ERC2: variants seen among roughly 807,000 people sequenced by gnomAD.
ERC2 encodes ELKS/RAB6-interacting/CAST family member 2.
ERC2 carries 42 observed loss-of-function variants against 114.8 expected under a neutral mutation model. The observed-to-expected ratio is 0.37, with a 90% CI of 0.29 to 0.47. ERC2 has a LOEUF of 0.47. Among genes scored for constraint, ERC2 ranks in the 20% least tolerant of loss-of-function variants. The pLI is 0.99. For missense variants in ERC2, 939 were observed against 1,150.7 expected (o/e 0.82, Z 2.66); for synonymous variants, 454 against 425.5 (o/e 1.07, Z -0.82).
At chr3:56,234,549 G>A (rs1462873681) in intron 3 of ERC2, among the ~76,000 whole-genome samples, 2 of 152,192 alleles carry the variant, frequency 1.3e-5, no homozygotes, top group East Asian at 3.8e-4. Context: ...GAATTTCTGG[G>A]ACATTCAGAT....
chr3:55,713,436 C>T (rs1244910488), intron 15 of ERC2, among the ~76,000 whole-genome samples: 11 of 152,094 alleles, frequency 7.2e-5, no homozygotes, highest in African/African-American at 1.4e-4. Flanking sequence ...AGGCTGGTCT[C>T]GAACTCCTGA....
At chr3:56,359,743 C>T (rs2058878028) in intron 2 of ERC2, among the ~76,000 whole-genome samples, 1 of 152,154 alleles carries the variant, frequency 6.6e-6, no homozygotes, top group Non-Finnish European at 1.5e-5. Flanking sequence ...AAGATTCCAC[C>T]CATGGGGGAA....
chr3:56,269,396 A>G (rs1293210015), intron 3 of ERC2, among the ~76,000 whole-genome samples: 1 of 152,212 alleles, frequency 6.6e-6, no homozygotes, highest in African/African-American at 2.4e-5. Context: ...ACACACTAAG[A>G]CACACTCAAT....
intron 14 of ERC2, among the ~76,000 whole-genome samples, chr3:55,762,793 G>A (rs1033257629): frequency 1.3e-5 from 2 of 152,170 alleles, no homozygotes; most frequent in South Asian, 2.1e-4. Context: ...AAAGAGAGAC[G>A]CAAGGAAGAA....
chr3:55,950,705 A>G (rs2067441073), intron 12 of ERC2, 145 bp from the exon 13 acceptor site: 7 of 937,988 alleles, frequency 7.5e-6, no homozygotes, highest in Non-Finnish European at 9.6e-6. Context: ...CATTCATTCA[A>G]CTACAAATAT....
intron 2 of ERC2, among the ~76,000 whole-genome samples, chr3:56,384,661 T>C (rs1007377028): frequency 1.3e-5 from 2 of 152,292 alleles, no homozygotes; most frequent in African/African-American, 4.8e-5. Context: ...GGACTGCTTT[T>C]TCACCTTGAT....
chr3:56,007,713 C>A (rs1041736012), intron 9 of ERC2, among the ~76,000 whole-genome samples: 5 of 152,108 alleles, frequency 3.3e-5, no homozygotes, highest in African/African-American at 1.2e-4. Flanking sequence ...AAAATACTGA[C>A]TTTAATGCAT....
intron 8 of ERC2, among the ~76,000 whole-genome samples, chr3:56,011,689 G>T (rs1312329706): frequency 6.6e-6 from 1 of 151,948 alleles, no homozygotes; most frequent in Non-Finnish European, 1.5e-5. Context: ...TCTGAAATTA[G>T]TTTGAAATTA....
chr3:56,313,215 T>C (rs1229100763), intron 2 of ERC2, among the ~76,000 whole-genome samples: 2 of 150,246 alleles, frequency 1.3e-5, no homozygotes, highest in Admixed American at 6.6e-5. Context: ...TGCTAAAGGA[T>C]AGGGAGTTTT....
chr3:56,104,986 C>A (rs115617903), intron 6 of ERC2, among the ~76,000 whole-genome samples: 87 of 150,002 alleles, frequency 5.8e-4, no homozygotes, highest in African/African-American at 2.1e-3. Flanking sequence ...CAGTGTAAGT[C>A]TCCACTGAGA....
intron 14 of ERC2, among the ~76,000 whole-genome samples, chr3:55,801,046 A>T (rs534992609): frequency 6.6e-6 from 1 of 152,346 alleles, no homozygotes. Flanking sequence ...GTTCTTGAAC[A>T]ACCCATAACA....
chr3:55,676,477 A>T (rs1447533005), intron 17 of ERC2, among the ~76,000 whole-genome samples: 1 of 137,328 alleles, frequency 7.3e-6, no homozygotes, highest in African/African-American at 2.6e-5. Flanking sequence ...TATTATTATT[A>T]TTTTAGCATT....
chr3:55,683,829 C>G lies in ERC2; in HGVS notation c.*4G>C. The G allele has an allele frequency of 6.2e-7, 1 of 1,611,984 alleles. No individual in the cohort carries two copies. Among genetic ancestry groups the G allele is most frequent in the Non-Finnish European group, 8.5e-7 (1 of 1,179,156 alleles). On this transcript the variant is annotated 3_prime_UTR_variant, in exon 17 of 18. Transcript: ENST00000288221. ...AAAACTGGAACTTTGGTTTACAGGCCCGGCTATGCCCATATGCCCTCCTCG... is the reference window on the plus strand; with the variant it reads ...AAAACTGGAACTTTGGTTTACAGGCGCGGCTATGCCCATATGCCCTCCTCG...
At chr3:55,836,543 C>T (rs1049569085) in intron 14 of ERC2, among the ~76,000 whole-genome samples, 2 of 152,182 alleles carry the variant, frequency 1.3e-5, no homozygotes, top group African/African-American at 4.8e-5. Context: ...GGAAAACTGG[C>T]TAGCCATATG....
intron 3 of ERC2, among the ~76,000 whole-genome samples, chr3:56,216,256 T>C (rs984984154): frequency 6.6e-6 from 1 of 151,826 alleles, no homozygotes; most frequent in South Asian, 2.1e-4. Context: ...GTAAGACTAA[T>C]AAAGAAGAAA....
At chr3:55,558,832 AG>A (rs2055808283) in intron 17 of ERC2, among the ~76,000 whole-genome samples, 1 of 152,260 alleles carries the variant, frequency 6.6e-6, no homozygotes, top group Non-Finnish European at 1.5e-5. Flanking sequence ...TTATAGATCT[AG>A]GGGTAAACAG....
chr3:55,596,550 C>T (rs1323809882), intron 17 of ERC2, among the ~76,000 whole-genome samples: 1 of 152,058 alleles, frequency 6.6e-6, no homozygotes, highest in Non-Finnish European at 1.5e-5. Flanking sequence ...TGCACTCCAG[C>T]CAGGGTTATT....
At chr3:55,618,894 G>A (rs1044248808) in intron 17 of ERC2, among the ~76,000 whole-genome samples, 3 of 152,222 alleles carry the variant, frequency 2.0e-5, no homozygotes, top group Non-Finnish European at 2.9e-5. Flanking sequence ...GGAAGACCCA[G>A]CTATCCTTTC....
intron 3 of ERC2, among the ~76,000 whole-genome samples, chr3:56,193,503 T>A (rs1301162346): frequency 1.3e-5 from 2 of 149,770 alleles, no homozygotes; most frequent in Non-Finnish European, 1.5e-5. Context: ...CGAGACTCTG[T>A]CTCAAAAAAA....
Sources: gnomAD v4.1 joint callset for allele counts (sites outside exome capture counted in the v4.1 genomes callset) on GRCh38, gnomAD v4.1.1 for gene constraint, MANE v1.5 for transcripts, NCBI Gene and HGNC (gene_info 2026-07-23, HGNC 2026-07-21) for gene names.